The following RORC variants were observed in gnomAD, a reference collection of about 807,000 sequenced individuals.
The protein encoded by RORC is RAR related orphan receptor C, also known as nuclear receptor ROR-gamma.
Under a neutral mutation model 64.5 loss-of-function variants are expected in RORC, and 13 were observed. The observed-to-expected ratio is 0.20, with a 90% CI of 0.13 to 0.32. The LOEUF (loss-of-function observed/expected upper bound fraction) is 0.32. Ranked by LOEUF, RORC falls within the 10% of genes least tolerant of loss-of-function variation. The probability of loss-of-function intolerance (pLI) is 1.00; values close to 1 mark genes in which losing one functional copy is unlikely to be tolerated. For missense variants in RORC, 468 were observed against 669.5 expected (o/e 0.70, Z 3.32); for synonymous variants, 277 against 259.3 (o/e 1.07, Z -0.65).
chr1:151,814,445 G>T, intron 6 of RORC, 129 bp downstream of exon 6: 1 of 936,952 alleles, frequency 1.1e-6, no homozygotes, highest in Non-Finnish European at 1.6e-6. Context: ...GTGTGCACAT[G>T]CTTGTTGGCC....
chr1:151,815,367 C>T lies in RORC; in HGVS notation c.357G>A (p.Gln119=). The T allele has an allele frequency of 1.9e-6, 3 of 1,569,366 alleles. No homozygotes were observed. Among genetic ancestry groups the T allele is most frequent in the South Asian group, 2.4e-5 (2 of 83,550 alleles). Residue 119 remains glutamine (Q), a synonymous_variant, in exon 5 of 11, where the codon CAG becomes CAA. Transcript: ENST00000318247. ...KQRDSLHAEV[Q]KQLQQRQQQQ... is the part of the protein sequence containing the mutation. ...GCTGTTGCCGCTGCTGCAGCTGTTTCTGCACTTCTGCATGCAGGCTGTCCC... is the reference window on the plus strand; with the variant it reads ...GCTGTTGCCGCTGCTGCAGCTGTTTTTGCACTTCTGCATGCAGGCTGTCCC...
intron 2 of RORC, among the ~76,000 whole-genome samples, chr1:151,818,401 A>G (rs1051584813): frequency 6.6e-6 from 1 of 151,948 alleles, no homozygotes; most frequent in South Asian, 2.1e-4. Context: ...CTCCCACTGA[A>G]CTCACTGTAA....
At chr1:151,824,337 G>A (rs1296643530) in intron 2 of RORC, among the ~76,000 whole-genome samples, 2 of 152,176 alleles carry the variant, frequency 1.3e-5, no homozygotes, top group East Asian at 1.9e-4. Flanking sequence ...AGCTGGCCAA[G>A]TGTCTCCCTC....
intron 2 of RORC, among the ~76,000 whole-genome samples, chr1:151,819,540 G>T (rs1651901394): frequency 6.6e-6 from 1 of 152,092 alleles, no homozygotes; most frequent in South Asian, 2.1e-4. Context: ...AACCAACGTG[G>T]GCCACCCAAA....
Position 151,816,705 on chromosome 1 carries a change from C to T in RORC, c.257G>A (p.Cys86Tyr). 1 of 1,605,400 alleles carries T rather than the reference C, an allele frequency of 6.2e-7. No homozygotes were observed. The highest frequency in any genetic ancestry group is 8.5e-7 in the Non-Finnish European group (1 of 1,176,020). The change falls in exon 4 of 11, where the codon TGC (cysteine) becomes TAC (tyrosine). Residue 86 changes from cysteine (C) to tyrosine (Y), a missense_variant. Around this residue, in one of 5 missense-constraint regions of RORC, gnomAD observed 241 missense variants for 295.5 expected, o/e 0.82. Transcript: ENST00000318247. The part of the protein sequence containing the change: ...DRTSRNRCQH[C>Y]RLQKCLALGM... The stretch of plus-strand genomic sequence containing the variant: ...CAGCGCCAGGCATTTCTGCAGGCGG[C>T]AGTGCTGGCATCGGTTTCGGCTGGT...
intron 10 of RORC, among the ~76,000 whole-genome samples, chr1:151,810,484 A>G (rs1651479394): frequency 6.6e-6 from 1 of 151,928 alleles, no homozygotes; most frequent in South Asian, 2.1e-4. Context: ...GAGCACTGGG[A>G]TTCAATCTTG....
intron 3 of RORC, among the ~76,000 whole-genome samples, 179 bp from the exon 4 acceptor site, chr1:151,816,984 A>G (rs549984950): frequency 6.6e-6 from 1 of 152,210 alleles, no homozygotes; most frequent in South Asian, 2.1e-4. Context: ...CCAGCTTAAG[A>G]CAGGGCCCTG....
At position 151,830,262 on chromosome 1, in the gene RORC, T is replaced by C. The variant is rs1336914787; in HGVS notation, c.41-804A>G. On this transcript the variant is annotated intron_variant, in intron 1 of 10. Transcript: ENST00000318247. This position sits in a 1 kb window ranked among gnomAD's most constrained non-coding sequence, Gnocchi z 4.0. Reference sequence around the variant, plus strand: ...CTGCGTGGCCGGGTCTGGGTGGAGATTGGGCAGTAGGGAGCATGAGTGGGT... The same window carrying C: ...CTGCGTGGCCGGGTCTGGGTGGAGACTGGGCAGTAGGGAGCATGAGTGGGT... Among the ~76,000 whole-genome samples the C allele has an allele frequency of 5.3e-5, 8 of 151,648 alleles. No individual in the cohort carries two copies. In the South Asian group the frequency reaches 8.4e-4, roughly 16 times the overall value.
chr1:151,831,043 T>C, intron 1 of RORC: 1 of 1,289,306 alleles, frequency 7.8e-7, no homozygotes, highest in Non-Finnish European at 1.0e-6. Context: ...GATCCTGCTC[T>C]GAGGGGGTTC....
chr1:151,826,212 C>G (rs1652190480), intron 2 of RORC: 3 of 664,914 alleles, frequency 4.5e-6, no homozygotes, highest in South Asian at 1.2e-4. Context: ...GGGCCTGGGG[C>G]AGGGTGTGAG....
chr1:151,821,355 G>A (rs567553021), intron 2 of RORC, among the ~76,000 whole-genome samples: 3 of 152,172 alleles, frequency 2.0e-5, no homozygotes, highest in Non-Finnish European at 4.4e-5. Context: ...AAACCCCGGG[G>A]TCCTCATCTC....
chr1:151,808,660 A>T (rs1651405006), intron 10 of RORC, among the ~76,000 whole-genome samples: 1 of 152,216 alleles, frequency 6.6e-6, no homozygotes, highest in Non-Finnish European at 1.5e-5. Flanking sequence ...TGAGCTAGGC[A>T]CTGTGATGGC....
At chr1:151,818,676 C>T (rs1028465694) in intron 2 of RORC, among the ~76,000 whole-genome samples, 7 of 152,180 alleles carry the variant, frequency 4.6e-5, no homozygotes, top group Non-Finnish European at 7.4e-5. Flanking sequence ...AGCCCTGGGG[C>T]GGGACAGGCC....
chr1:151,812,935 A>G lies in RORC; in HGVS notation c.1285+12T>C. 6.4e-7 allele frequency: 1 copy of G among 1,572,110 alleles called. No individual in the cohort carries two copies. The highest frequency in any genetic ancestry group is 8.8e-7 in the Non-Finnish European group (1 of 1,141,724). ...ACCTGAATGTCCTTCACCCAAGCCC[A>G]GCAACACTCACGGGCATTGATGAGA... On this transcript the variant is annotated intron_variant, in intron 9 of 10. Transcript: ENST00000318247.
Position 151,813,542 on chromosome 1 carries a change from G to C in RORC, c.1012C>G (p.Leu338Val). The change falls in exon 7 of 11, where the codon CTC becomes GTC. Residue 338 changes from leucine to valine, a missense_variant. Coordinates refer to ENST00000318247, the MANE Select transcript of RORC (RefSeq NM_005060.4). The part of the protein sequence containing the change: ...IQYVVEFAKR[L>V]SGFMELCQND... ...TGGCAGAGCTCCATAAAGCCTGAGA[G>C]CCTCTTGGCGAACTCCACCACGTAC... 1.2e-6 allele frequency: 2 copies of C among 1,614,176 alleles called. No homozygotes were observed. Among genetic ancestry groups the C allele is most frequent in the Non-Finnish European group, 1.7e-6 (2 of 1,180,028 alleles).
At chr1:151,816,914 G>A (rs969257158) in intron 3 of RORC, 109 bp from the exon 4 acceptor site, 10 of 1,196,610 alleles carry the variant, frequency 8.4e-6, no homozygotes, top group African/African-American at 7.8e-5. Flanking sequence ...CCCACGACCT[G>A]TCAGTTTTCT....
intron 4 of RORC, among the ~76,000 whole-genome samples, chr1:151,816,209 A>G (rs1651749034): frequency 6.6e-6 from 1 of 152,152 alleles, no homozygotes; most frequent in Non-Finnish European, 1.5e-5. Flanking sequence ...GCCCTCCCCC[A>G]CGACCACCCT....
chr1:151,812,908 C>A lies in RORC; in HGVS notation c.1285+39G>T, dbSNP rs755279340. The A allele has an allele frequency of 9.8e-6, 13 of 1,326,438 alleles. No homozygotes were observed. In the South Asian group the frequency reaches 1.5e-4, roughly 16 times the overall value. 82.2% of individuals were successfully genotyped at this position (1,326,438 alleles called of 1,614,324 possible). Reference sequence around the variant, plus strand: ...TTCTTCAATATCTGCCATGCCCCTGCCACCTGAATGTCCTTCACCCAAGCC... The same window carrying A: ...TTCTTCAATATCTGCCATGCCCCTGACACCTGAATGTCCTTCACCCAAGCC... On this transcript the variant is annotated intron_variant, in intron 9 of 10. Coordinates refer to ENST00000318247, the MANE Select transcript of RORC (RefSeq NM_005060.4).
intron 6 of RORC, 132 bp from the exon 7 acceptor site, chr1:151,813,752 A>T (rs1322985172): frequency 2.0e-6 from 2 of 1,024,194 alleles, no homozygotes; most frequent in Non-Finnish European, 1.4e-6. Context: ...GCATTTTCAA[A>T]AGCCTGGTCT....
Sources: allele counts gnomAD v4.1 joint callset (sites outside exome capture counted in the v4.1 genomes callset), GRCh38; gene constraint gnomAD v4.1.1; regional missense constraint gnomAD v4.1.1; non-coding constraint Gnocchi (gnomAD v3.1); transcripts MANE v1.5; gene names NCBI Gene and HGNC (gene_info 2026-07-23, HGNC 2026-07-21).